Variants in DHX57 observed in about 807,000 individuals in gnomAD.
DHX57 encodes DExH-box helicase 57, also known as putative ATP-dependent RNA helicase DHX57.
Under a neutral mutation model 156.2 loss-of-function variants are expected in DHX57, and 105 were observed. That is an observed-to-expected ratio of 0.67 (90% CI 0.57 to 0.79). DHX57 has a LOEUF of 0.79. DHX57 is among the 30% of genes least tolerant of loss of function. The pLI, the probability that DHX57 is intolerant of heterozygous loss-of-function variation, is 0.00. For missense variants in DHX57, 1,847 were observed against 1,661.9 expected (o/e 1.11, Z -1.94); for synonymous variants, 704 against 595.6 (o/e 1.18, Z -2.65).
chr2:38,843,883 G>T (rs1441429031), intron 11 of DHX57, among the ~76,000 whole-genome samples: 1 of 151,908 alleles, frequency 6.6e-6, no homozygotes, highest in Admixed American at 6.6e-5. Context: ...TTTTTCCCTG[G>T]AGCCTTAAAT....
chr2:38,853,967 A>G, intron 9 of DHX57, 87 bp downstream of exon 9: 1 of 1,337,328 alleles, frequency 7.5e-7, no homozygotes, highest in Non-Finnish European at 1.0e-6. Flanking sequence ...TAGCTGCATG[A>G]AACTGAATTG....
chr2:38,867,836 G>A (rs1665157742), intron 2 of DHX57, among the ~76,000 whole-genome samples: 1 of 152,202 alleles, frequency 6.6e-6, no homozygotes, highest in African/African-American at 2.4e-5. Flanking sequence ...GGGATTACAG[G>A]TGTGAGCCAC....
intron 21 of DHX57, among the ~76,000 whole-genome samples, chr2:38,812,056 G>C (rs1670274873): frequency 6.6e-6 from 1 of 151,906 alleles, no homozygotes. Flanking sequence ...AATGCTCCTG[G>C]CCCCCACATT....
At chr2:38,832,542 T>C (rs1422600910) in intron 13 of DHX57, among the ~76,000 whole-genome samples, 5 of 25,644 alleles carry the variant, frequency 1.9e-4, no homozygotes, top group Non-Finnish European at 1.2e-3. Flanking sequence ...AATATATATA[T>C]ATATATATAT....
At chr2:38,848,476 T>A (rs1008497350) in intron 9 of DHX57, 74 bp from the exon 10 acceptor site, 6 of 1,470,226 alleles carry the variant, frequency 4.1e-6, no homozygotes, top group Non-Finnish European at 5.5e-6. Flanking sequence ...TTACTATATT[T>A]TGAGCAAGAA....
intron 2 of DHX57, among the ~76,000 whole-genome samples, chr2:38,865,497 C>G (rs1252289333): frequency 6.6e-6 from 1 of 152,208 alleles, no homozygotes; most frequent in Non-Finnish European, 1.5e-5. Flanking sequence ...AACCTCTTTC[C>G]TTTATAAATT....
intron 1 of DHX57, among the ~76,000 whole-genome samples, chr2:38,870,894 A>G (rs1178808698): frequency 6.6e-6 from 1 of 151,840 alleles, no homozygotes; most frequent in East Asian, 1.9e-4. Context: ...AACAAAAAAC[A>G]AAAAACAAAA....
chr2:38,828,583 A>C (rs1671225654), intron 13 of DHX57, 147 bp from the exon 14 acceptor site: 6 of 574,062 alleles, frequency 1.0e-5, no homozygotes, highest in Non-Finnish European at 1.8e-5. Context: ...ATATGCAATA[A>C]TCTGAGAATT....
chr2:38,804,500 TAAAATA>T (rs750444713), intron 22 of DHX57, among the ~76,000 whole-genome samples: 15 of 151,854 alleles, frequency 9.9e-5, no homozygotes, highest in Admixed American at 4.6e-4. Flanking sequence ...AATAAATAAA[TAAAATA>T]AAAATAAAAA....
chr2:38,858,215 C>A (rs866612148), intron 6 of DHX57, among the ~76,000 whole-genome samples: 1 of 152,142 alleles, frequency 6.6e-6, no homozygotes, highest in African/African-American at 2.4e-5. Context: ...GCACCTGCCA[C>A]CACGCCCGGC....
chr2:38,812,591 T>C (rs1239139951), intron 21 of DHX57, among the ~76,000 whole-genome samples: 1 of 152,214 alleles, frequency 6.6e-6, no homozygotes, highest in Non-Finnish European at 1.5e-5. Context: ...TGGAGTGCAA[T>C]GGTATGATCT....
chr2:38,818,760 C>A, intron 19 of DHX57, 117 bp downstream of exon 19: 1 of 1,211,150 alleles, frequency 8.3e-7, no homozygotes. Flanking sequence ...TAAGGCCAAA[C>A]ATATTCCAGA....
intron 17 of DHX57, among the ~76,000 whole-genome samples, chr2:38,822,147 C>T (rs530276572): frequency 2.6e-5 from 4 of 152,156 alleles, no homozygotes; most frequent in South Asian, 2.1e-4. Flanking sequence ...TGCAATGGCG[C>T]GACTGGCTCA....
chr2:38,800,820 A>G (rs1669647041), intron 23 of DHX57, among the ~76,000 whole-genome samples: 1 of 152,204 alleles, frequency 6.6e-6, no homozygotes, highest in Non-Finnish European at 1.5e-5. Context: ...TGGACTATCC[A>G]GTAAGGTAGC....
chr2:38,868,001 A>G (rs923944397), intron 2 of DHX57, among the ~76,000 whole-genome samples, 181 bp downstream of exon 2: 2 of 152,232 alleles, frequency 1.3e-5, no homozygotes, highest in African/African-American at 4.8e-5. Context: ...TCACAGTGTC[A>G]TGCAACCTAC....
At chr2:38,875,592 C>G (rs868244777) in intron 1 of DHX57, among the ~76,000 whole-genome samples, 195 bp downstream of exon 1, 1 of 151,792 alleles carries the variant, frequency 6.6e-6, no homozygotes, top group Non-Finnish European at 1.5e-5. Flanking sequence ...CGCCTTGGTT[C>G]GGTATCAGGG....
Position 38,842,920 on chromosome 2 carries a change from A to C in DHX57, c.2425+85T>G, listed in dbSNP as rs1672085174. On this transcript the variant is annotated intron_variant, in intron 12 of 23. Transcript: ENST00000457308. ...GCAATGTAACTATGAAACAAGAATCATATTTTTCTTCTTCCGAATCTTGGT... is the reference window on the plus strand; with the variant it reads ...GCAATGTAACTATGAAACAAGAATCCTATTTTTCTTCTTCCGAATCTTGGT... The C allele has an allele frequency of 4.2e-6, 6 of 1,424,978 alleles. No individual in the cohort carries two copies. The South Asian group carries it at 7.4e-5, about 18-fold the overall frequency. The allele number at this position is 1,424,978 out of a possible 1,614,324, so 88.3% of individuals were successfully genotyped here. A position where few individuals can be genotyped will look rare whatever the true frequency, so the allele number is the denominator to read the frequency against.
At chr2:38,858,214 A>AC (rs746538056) in intron 6 of DHX57, among the ~76,000 whole-genome samples, 20 of 152,276 alleles carry the variant, frequency 1.3e-4, no homozygotes, top group Non-Finnish European at 2.6e-4. Flanking sequence ...GGCACCTGCC[A>AC]CCACGCCCGG....
At position 38,845,911 on chromosome 2, in the gene DHX57, G is replaced by T. The variant is rs370783553; in HGVS notation, c.2219+1108C>A. Among the ~76,000 whole-genome samples the T allele has an allele frequency of 6.0e-5, 9 of 150,584 alleles. No homozygotes were observed. The East Asian group carries it at 9.7e-4, about 16-fold the overall frequency. The stretch of plus-strand genomic sequence containing the variant: ...GACAGAGTTTTACTCTGCCGCCCAG[G>T]CTGGAGTGCAATGGCGTGGTCTCAG... On this transcript the variant is annotated intron_variant, in intron 11 of 23. Coordinates refer to ENST00000457308, the MANE Select transcript of DHX57 (RefSeq NM_198963.3).
Sources: gnomAD v4.1 joint callset for allele counts (sites outside exome capture counted in the v4.1 genomes callset) on GRCh38, gnomAD v4.1.1 for gene constraint, MANE v1.5 for transcripts, NCBI Gene and HGNC (gene_info 2026-07-23, HGNC 2026-07-21) for gene names.